The following MACROD1 variants were observed in gnomAD, a reference collection of about 807,000 sequenced individuals.
MACROD1 encodes the protein ADP-ribose glycohydrolase MACROD1.
Under a neutral mutation model 41.4 loss-of-function variants are expected in MACROD1, and 31 were observed. The observed-to-expected ratio is 0.75, with a 90% CI of 0.56 to 1.01. The LOEUF (loss-of-function observed/expected upper bound fraction) is 1.01, where lower values mean the gene tolerates loss of function less well. MACROD1 is among the 50% of genes least tolerant of loss of function. MACROD1 has a pLI of 0.00. For synonymous variants in MACROD1, 252 were observed against 203.4 expected, an observed-to-expected ratio of 1.24 and a Z score of -2.03; for missense variants, 473 against 460.0, an observed-to-expected ratio of 1.03 and a Z score of -0.26.
chr11:64,163,862 C>T (rs918574768), intron 1 of MACROD1, among the ~76,000 whole-genome samples: 2 of 152,194 alleles, frequency 1.3e-5, no homozygotes, highest in African/African-American at 4.8e-5. Flanking sequence ...CGAAAGCGTC[C>T]CTCTAACTGT....
At chr11:64,139,210 G>A (rs180761703) in intron 3 of MACROD1, among the ~76,000 whole-genome samples, 35 of 152,238 alleles carry the variant, frequency 2.3e-4, no homozygotes, top group African/African-American at 6.5e-4. Context: ...ATCCTCCCCC[G>A]GATCTGCAGC....
At chr11:64,024,700 G>A (rs1376998720) in intron 3 of MACROD1, among the ~76,000 whole-genome samples, 1 of 152,256 alleles carries the variant, frequency 6.6e-6, no homozygotes, top group African/African-American at 2.4e-5. Context: ...AGGGAGCCTT[G>A]GCGGGTGGGA....
Position 64,077,805 on chromosome 11 carries a change from C to T in MACROD1, c.518-62524G>A, listed in dbSNP as rs367697519. 1.6e-3 allele frequency among the ~76,000 whole-genome samples: 249 copies of T among 152,344 alleles called. 3 individuals carry two copies. The highest frequency in any genetic ancestry group is 4.0e-3 in the African/African-American group (168 of 41,578). On this transcript the variant is annotated intron_variant, in intron 3 of 10. Transcript: ENST00000255681. ...GGGCCCTGGCTGGGCCTCCGGCCGC[C>T]GCTCGGACATTTGGGCAAGGAGTCT... is the stretch of plus-strand genomic sequence containing the variant.
intron 1 of MACROD1, among the ~76,000 whole-genome samples, chr11:64,162,417 C>T (rs947160775): frequency 6.6e-6 from 1 of 151,944 alleles, no homozygotes; most frequent in East Asian, 1.9e-4. Context: ...GCAGGAGGAT[C>T]GCTGAGCCCA....
chr11:64,019,830 AG>A (rs1184838847), intron 3 of MACROD1, among the ~76,000 whole-genome samples: 2 of 152,058 alleles, frequency 1.3e-5, no homozygotes, highest in Non-Finnish European at 2.9e-5. Context: ...CAGACTGGGA[AG>A]GCTTCTCGGA....
At chr11:64,124,193 T>G (rs544482510) in intron 3 of MACROD1, among the ~76,000 whole-genome samples, 20 of 152,312 alleles carry the variant, frequency 1.3e-4, no homozygotes, top group African/African-American at 4.6e-4. Flanking sequence ...TGCCACCCCC[T>G]TTCCAGAGTC....
chr11:63,998,594 G>A lies in MACROD1; in HGVS notation c.*124C>T. 7.9e-7 allele frequency: 1 copy of A among 1,265,182 alleles called. No homozygotes were observed. Among genetic ancestry groups the A allele is most frequent in the East Asian group, 3.1e-5 (1 of 32,406 alleles). The allele number at this position is 1,265,182 out of a possible 1,614,324, so 78.4% of individuals were successfully genotyped here. A position where few individuals can be genotyped will look rare whatever the true frequency, so the allele number is the denominator to read the frequency against. ...GATCTTTATTAGGCTCCTCGGGGGC[G>A]GGGCGCGGAGGGAAAGAAGGGGTGG... On this transcript the variant is annotated 3_prime_UTR_variant, in exon 11 of 11. Coordinates refer to ENST00000255681, the MANE Select transcript of MACROD1 (RefSeq NM_014067.4).
chr11:64,040,263 T>G (rs1480094780), intron 3 of MACROD1, among the ~76,000 whole-genome samples: 12 of 113,196 alleles, frequency 1.1e-4, no homozygotes, highest in Admixed American at 2.8e-4. Flanking sequence ...TGCTGAGGGG[T>G]GGGATTGAGG....
chr11:64,133,471 G>A (rs916145184), intron 3 of MACROD1, among the ~76,000 whole-genome samples: 6 of 152,216 alleles, frequency 3.9e-5, no homozygotes, highest in Admixed American at 2.0e-4. Flanking sequence ...CCAGATGCCC[G>A]GGGCTGCGGC....
chr11:64,104,811 A>G (rs1319324573), intron 3 of MACROD1, among the ~76,000 whole-genome samples: 1 of 152,154 alleles, frequency 6.6e-6, no homozygotes, highest in Non-Finnish European at 1.5e-5. Context: ...AGAGTGCCCC[A>G]AGGGTCACAC....
rs374005899 is a variant in MACROD1, at chr11:64,153,204, C to T, written c.299-811G>A. 9.2e-5 allele frequency among the ~76,000 whole-genome samples: 14 copies of T among 152,264 alleles called. No individual in the cohort carries two copies. In the South Asian group the frequency reaches 2.7e-3, roughly 29 times the overall value. ...CTGGAACCCGTCTCAGAAGGGCCCGCCCCGACCGCGCCAGGCCAGGCTAGC... is the reference window on the plus strand; with the variant it reads ...CTGGAACCCGTCTCAGAAGGGCCCGTCCCGACCGCGCCAGGCCAGGCTAGC... On this transcript the variant is annotated intron_variant, in intron 1 of 10. Coordinates refer to ENST00000255681, the MANE Select transcript of MACROD1 (RefSeq NM_014067.4).
chr11:64,162,993 C>T (rs1279234901), intron 1 of MACROD1, among the ~76,000 whole-genome samples: 1 of 152,038 alleles, frequency 6.6e-6, no homozygotes, highest in African/African-American at 2.4e-5. Context: ...TGATGGCACG[C>T]GTCTGTAATC....
intron 3 of MACROD1, among the ~76,000 whole-genome samples, chr11:64,093,841 A>G (rs1388285672): frequency 6.6e-6 from 1 of 152,188 alleles, no homozygotes; most frequent in Non-Finnish European, 1.5e-5. Flanking sequence ...ACCTCCTTCA[A>G]TATACCATTG....
intron 1 of MACROD1, 49 bp downstream of exon 1, chr11:64,165,648 T>G: frequency 7.5e-7 from 1 of 1,334,716 alleles, no homozygotes; most frequent in Non-Finnish European, 9.7e-7. Flanking sequence ...GCCGGGAAGC[T>G]CCACGTGAGG....
rs77239866 is a variant in MACROD1 at position 64,059,786 on chromosome 11, T to C, written c.518-44505A>G. Among the ~76,000 whole-genome samples the C allele has an allele frequency of 1.7e-3, 256 of 152,248 alleles. 5 individuals are homozygous for C. In the East Asian group the frequency reaches 0.04, roughly 24 times the overall value. On this transcript the variant is annotated intron_variant, in intron 3 of 10. Coordinates refer to ENST00000255681, the MANE Select transcript of MACROD1 (RefSeq NM_014067.4). ...GGGTCTATTCCCTCTCCTGAGTTTC[T>C]CAGTTAATCATTTTGGGTCTTCCAA...
chr11:64,020,727 A>C (rs1245074862), intron 3 of MACROD1, among the ~76,000 whole-genome samples: 2 of 151,610 alleles, frequency 1.3e-5, no homozygotes, highest in African/African-American at 2.4e-5. Flanking sequence ...CCAGGTGCCT[A>C]TCTTTTTTTT....
At chr11:64,163,308 T>A (rs957138652) in intron 1 of MACROD1, among the ~76,000 whole-genome samples, 12 of 152,086 alleles carry the variant, frequency 7.9e-5, no homozygotes, top group South Asian at 2.1e-4. Flanking sequence ...CAAAAAAAAA[T>A]TTTTTTAAGA....
At chr11:64,118,391 A>G (rs1945036571) in intron 3 of MACROD1, 1 of 1,372,766 alleles carries the variant, frequency 7.3e-7, no homozygotes, top group African/African-American at 1.4e-5. Context: ...CAAGGAAGAG[A>G]AATTCCATGG....
At chr11:64,069,743 G>A (rs1337548776) in intron 3 of MACROD1, among the ~76,000 whole-genome samples, 1 of 152,202 alleles carries the variant, frequency 6.6e-6, no homozygotes, top group African/African-American at 2.4e-5. Context: ...CCCGGCAGCT[G>A]TGTCACCTAA....
Sources: gnomAD v4.1 joint callset for allele counts (sites outside exome capture counted in the v4.1 genomes callset) on GRCh38, gnomAD v4.1.1 for gene constraint, MANE v1.5 for transcripts, NCBI Gene and HGNC (gene_info 2026-07-23, HGNC 2026-07-21) for gene names.